Variants in CD82 observed in about 807,000 individuals in gnomAD.
CD82 encodes CD82 molecule.
CD82 carries 36 observed loss-of-function variants against 37.4 expected under a neutral mutation model. The ratio of observed to expected loss-of-function variants is 0.96; its 90% confidence interval spans 0.74 to 1.27. The LOEUF (loss-of-function observed/expected upper bound fraction) is 1.27. CD82 is among the 50% of genes most tolerant of loss of function. CD82 has a pLI of 0.00. For synonymous variants in CD82, 158 were observed against 137.4 expected, an observed-to-expected ratio of 1.15 and a Z score of -1.05; for missense variants, 340 against 347.0, an observed-to-expected ratio of 0.98 and a Z score of 0.16.
In CD82 at chr11:44,605,127, T is replaced by C. The variant is rs1432868599; in HGVS notation, c.206T>C (p.Met69Thr). ...GGCGTGGGGGCAGTCACTATGCTCA[T>C]GGGCTTCCTGGGCTGCATCGGCGCC... ...FIGVGAVTMLMGFLGCIGAVN... is the reference protein window; with the variant it reads ...FIGVGAVTMLTGFLGCIGAVN... Residue 69 changes from methionine (M) to threonine (T), a missense_variant, in exon 5 of 10, where the codon ATG (methionine) becomes ACG (threonine). Met to Thr is a moderately conservative substitution (Grantham distance 81). Transcript: ENST00000227155. The C allele has an allele frequency of 3.7e-6, 6 of 1,614,210 alleles. No homozygotes were observed. Among genetic ancestry groups the C allele is most frequent in the East Asian group, 4.5e-5 (2 of 44,880 alleles).
At chr11:44,617,032 A>G (rs573765748) in intron 7 of CD82, among the ~76,000 whole-genome samples, 1 of 152,196 alleles carries the variant, frequency 6.6e-6, no homozygotes, top group South Asian at 2.1e-4. Flanking sequence ...AGCATTTCTG[A>G]GTGTGCCTGG....
intron 2 of CD82, among the ~76,000 whole-genome samples, chr11:44,590,372 G>A (rs936062918): frequency 2.0e-5 from 3 of 151,600 alleles, no homozygotes; most frequent in Non-Finnish European, 2.9e-5. Context: ...ACTTTAGGAG[G>A]CCGAGGCAGG....
intron 1 of CD82, among the ~76,000 whole-genome samples, chr11:44,566,794 C>T (rs1315247353): frequency 6.7e-6 from 1 of 149,408 alleles, no homozygotes; most frequent in African/African-American, 2.5e-5. Context: ...GGGAATGAGC[C>T]TTTTTTTTTT....
chr11:44,619,216 C>A lies in CD82; in HGVS notation c.*90C>A. On this transcript the variant is annotated 3_prime_UTR_variant, in exon 10 of 10. Coordinates refer to ENST00000227155, the MANE Select transcript of CD82 (RefSeq NM_002231.4). ...CTCCCTCCTCCAGGCCTGCCTCCCA[C>A]TTCACTGCGAAGACCCTCTTGCCCA... 9.6e-7 allele frequency: 1 copy of A among 1,041,650 alleles called. No individual in the cohort carries two copies. Among genetic ancestry groups the A allele is most frequent in the Non-Finnish European group, 1.5e-6 (1 of 661,908 alleles). 64.5% of individuals were successfully genotyped at this position (1,041,650 alleles called of 1,614,324 possible).
intron 2 of CD82, among the ~76,000 whole-genome samples, chr11:44,593,730 A>G (rs1853178447): frequency 6.6e-6 from 1 of 152,216 alleles, no homozygotes; most frequent in Non-Finnish European, 1.5e-5. Flanking sequence ...ACCTGGGGCC[A>G]CTGGGGTTCC....
intron 1 of CD82, chr11:44,573,044 T>G (rs1427866970): frequency 1.3e-5 from 2 of 152,244 alleles, no homozygotes; most frequent in Non-Finnish European, 2.9e-5. Flanking sequence ...CCCCACTGAG[T>G]CTGCCCTATG....
chr11:44,582,723 G>A (rs1429503248), intron 1 of CD82, among the ~76,000 whole-genome samples: 3 of 152,094 alleles, frequency 2.0e-5, no homozygotes, highest in Non-Finnish European at 4.4e-5. Flanking sequence ...TCTGGAATCT[G>A]GGGCTTCTTG....
chr11:44,618,237 T>C lies in CD82; in HGVS notation c.514T>C (p.Tyr172His). The C allele has an allele frequency of 6.2e-7, 1 of 1,614,102 alleles. No homozygotes were observed. The highest frequency in any genetic ancestry group is 8.5e-7 in the Non-Finnish European group (1 of 1,180,024). The change falls in exon 8 of 10, where the codon TAC becomes CAC. Residue 172 changes from tyrosine to histidine, a missense_variant. Tyr to His is a moderately conservative substitution (Grantham distance 83). Transcript: ENST00000227155. ...GCTCATGAATCGCCCTGAGGTCACC[T>C]ACCCCTGTTCCTGCGAAGTCAAGGG... ...AELMNRPEVT[Y>H]PCSCEVKGEE... is the part of the protein sequence containing the mutation.
At chr11:44,570,042 T>C (rs555853034) in intron 1 of CD82, among the ~76,000 whole-genome samples, 158 of 152,362 alleles carry the variant, frequency 1.0e-3, no homozygotes, top group African/African-American at 3.6e-3. Context: ...GCCAGGCTCC[T>C]TCTCAGGCCC....
At chr11:44,579,638 C>T (rs537974359) in intron 1 of CD82, among the ~76,000 whole-genome samples, 238 of 152,206 alleles carry the variant, frequency 1.6e-3, no homozygotes, top group African/African-American at 5.7e-3. Context: ...GGGAGGGAGC[C>T]CTGACAGGCC....
At chr11:44,609,292 TTC>T (rs921186385) in intron 6 of CD82, among the ~76,000 whole-genome samples, 4 of 152,230 alleles carry the variant, frequency 2.6e-5, no homozygotes, top group Admixed American at 6.5e-5. Context: ...TTCTGACTTG[TTC>T]TCTCTAGAGA....
At chr11:44,607,418 T>C (rs1396141817) in intron 6 of CD82, among the ~76,000 whole-genome samples, 1 of 152,088 alleles carries the variant, frequency 6.6e-6, no homozygotes, top group African/African-American at 2.4e-5. Context: ...TGGGGTCAGG[T>C]CTTCATTTCT....
chr11:44,615,137 A>G (rs947894829), intron 6 of CD82, 135 bp from the exon 7 acceptor site: 6 of 651,968 alleles, frequency 9.2e-6, no homozygotes, highest in African/African-American at 1.8e-5. Flanking sequence ...TGGGAGCGCC[A>G]GGAAAGTGGC....
At chr11:44,615,170 G>C (rs1258221580) in intron 6 of CD82, 102 bp from the exon 7 acceptor site, 3 of 746,512 alleles carry the variant, frequency 4.0e-6, no homozygotes, top group Admixed American at 2.0e-5. Context: ...CGTGTCCCAG[G>C]GTTGCTGAGG....
At chr11:44,566,481 G>C (rs897490501) in intron 1 of CD82, among the ~76,000 whole-genome samples, 1 of 152,166 alleles carries the variant, frequency 6.6e-6, no homozygotes, top group East Asian at 1.9e-4. Context: ...TTAATTTCTT[G>C]GCTGACGGGT....
chr11:44,572,573 G>A (rs897680053), intron 1 of CD82, among the ~76,000 whole-genome samples: 18 of 152,240 alleles, frequency 1.2e-4, no homozygotes, highest in Non-Finnish European at 1.5e-5. Flanking sequence ...TGGAGGGAGT[G>A]CCTATGGTAG....
chr11:44,592,208 C>A (rs1388278149), intron 2 of CD82, among the ~76,000 whole-genome samples: 2 of 152,156 alleles, frequency 1.3e-5, no homozygotes, highest in African/African-American at 4.8e-5. Context: ...GTGTAGAAAC[C>A]CCTTTCCCGG....
At chr11:44,611,301 G>A (rs73458590) in intron 6 of CD82, among the ~76,000 whole-genome samples, 2,215 of 152,314 alleles carry the variant, frequency 0.015, 53 homozygotes, top group African/African-American at 0.05. Flanking sequence ...GGCTGCTGCT[G>A]TCCCTATTCA....
intron 3 of CD82, among the ~76,000 whole-genome samples, chr11:44,595,908 CAAAAAAAAAAAA>C (rs71449886): frequency 2.9e-5 from 2 of 69,684 alleles, no homozygotes; most frequent in South Asian, 1.1e-3. Context: ...TGTTTCTCTA[CAAAAAAAAAAAA>C]AAAAAAAAAA....
Sources: allele counts gnomAD v4.1 joint callset (sites outside exome capture counted in the v4.1 genomes callset), GRCh38; gene constraint gnomAD v4.1.1; transcripts MANE v1.5; gene names NCBI Gene and HGNC (gene_info 2026-07-23, HGNC 2026-07-21).